The following ZSWIM5 variants were observed in gnomAD, a reference collection of about 807,000 sequenced individuals.
ZSWIM5 encodes zinc finger SWIM domain-containing protein 5.
In ZSWIM5, 55 loss-of-function variants were observed where a neutral mutation model predicts 119.6. That is an observed-to-expected ratio of 0.46 (90% CI 0.37 to 0.58). The LOEUF (loss-of-function observed/expected upper bound fraction) is 0.58. Ranked by LOEUF, ZSWIM5 falls within the 20% of genes least tolerant of loss-of-function variation. The pLI is 0.00. For synonymous variants in ZSWIM5, 537 were observed against 606.9 expected (o/e 0.88, Z 1.69); for missense variants, 1,193 against 1,512.8 (o/e 0.79, Z 3.51).
chr1:45,039,382 TTTTATTTAAAAA>T, intron 7 of ZSWIM5, among the ~76,000 whole-genome samples: 1 of 152,332 alleles, frequency 6.6e-6, no homozygotes, highest in Admixed American at 6.5e-5. Flanking sequence ...GCCCTGTTAA[TTTTATTTAAAAA>T]TTTATTTTTG....
At chr1:45,026,186 C>A (rs72684416) in intron 11 of ZSWIM5, among the ~76,000 whole-genome samples, 6,366 of 152,150 alleles carry the variant, frequency 0.042, 186 homozygotes, top group Admixed American at 0.06. Flanking sequence ...AGGAGTGTGC[C>A]CACCACAACT....
intron 1 of ZSWIM5, among the ~76,000 whole-genome samples, chr1:45,105,295 G>C (rs1472688774): frequency 6.6e-6 from 1 of 152,074 alleles, no homozygotes; most frequent in Non-Finnish European, 1.5e-5. Context: ...ATCTCGGCTC[G>C]CTACAACCTC....
chr1:45,030,374 G>A (rs1031329691), intron 11 of ZSWIM5, among the ~76,000 whole-genome samples: 1 of 152,164 alleles, frequency 6.6e-6, no homozygotes, highest in Admixed American at 6.5e-5. Flanking sequence ...AGCCTCCTGA[G>A]TAGCTGGGAT....
intron 1 of ZSWIM5, among the ~76,000 whole-genome samples, chr1:45,194,892 G>A (rs141695376): frequency 2.2e-3 from 329 of 151,596 alleles, no homozygotes; most frequent in African/African-American, 7.6e-3. Context: ...AAAAAAAAGA[G>A]GTTAATCTAA....
At position 45,040,424 on chromosome 1, in the gene ZSWIM5, C is replaced by T. The variant is rs766251549; in HGVS notation, c.1724G>A (p.Arg575Gln). ...CTGATGCTTGTAGATTTCCAGTTGC[C>T]GCTGCTGCTGCAACCTCAGAGTATT... ...IINTLRLQQQ[R>Q]QLEIYKHQKK... Residue 575 changes from arginine (R) to glutamine (Q), a missense_variant, in exon 7 of 14, where the codon CGG (arginine) becomes CAG (glutamine). Around this residue, in one of 2 missense-constraint regions of ZSWIM5, gnomAD observed 961 missense variants for 1,290.0 expected, o/e 0.74. Transcript: ENST00000359600. 6 of 1,610,796 alleles carry T rather than the reference C, an allele frequency of 3.7e-6. No homozygotes were observed. The highest frequency in any genetic ancestry group is 4.5e-5 in the East Asian group (2 of 44,760).
intron 1 of ZSWIM5, among the ~76,000 whole-genome samples, chr1:45,157,108 T>C (rs989872399): frequency 1.3e-5 from 2 of 152,202 alleles, no homozygotes. Context: ...TTGCCTATTT[T>C]AGAACTTCAT....
chr1:45,097,373 CTA>C (rs765925744), intron 1 of ZSWIM5, among the ~76,000 whole-genome samples: 20 of 152,172 alleles, frequency 1.3e-4, no homozygotes, highest in Non-Finnish European at 2.6e-4. Flanking sequence ...AATATCACCT[CTA>C]TATAAAACTA....
At chr1:45,028,212 C>T (rs1277038940) in intron 11 of ZSWIM5, among the ~76,000 whole-genome samples, 1 of 152,116 alleles carries the variant, frequency 6.6e-6, no homozygotes, top group Non-Finnish European at 1.5e-5. Context: ...TTGATGAAGT[C>T]TAATTTACCT....
intron 1 of ZSWIM5, among the ~76,000 whole-genome samples, chr1:45,180,748 C>T (rs1021517258): frequency 5.9e-5 from 9 of 152,182 alleles, no homozygotes; most frequent in East Asian, 1.9e-4. Context: ...TCCAGAGGAA[C>T]GATCAGACAG....
chr1:45,054,858 C>T (rs1280794942), intron 4 of ZSWIM5, among the ~76,000 whole-genome samples: 1 of 152,078 alleles, frequency 6.6e-6, no homozygotes, highest in Non-Finnish European at 1.5e-5. Flanking sequence ...TGGAGTCTCG[C>T]TCTGTCACCG....
chr1:45,168,124 G>C (rs6701182), intron 1 of ZSWIM5, among the ~76,000 whole-genome samples: 8,854 of 152,076 alleles, frequency 0.058, 553 homozygotes, highest in East Asian at 0.23. Context: ...CACATATACA[G>C]CATGGAATAC....
Position 45,036,200 on chromosome 1 carries a change from G to A in ZSWIM5, c.1994C>T (p.Ala665Val), listed in dbSNP as rs1176993868. Residue 665 changes from alanine to valine, a missense_variant, in exon 9 of 14, where the codon GCA becomes GTA. Ala to Val is a moderately conservative substitution (Grantham distance 64). Transcript: ENST00000359600. Reference protein sequence around the residue: ...ESYLSLALEVALMGLGQQRLM... With the variant: ...ESYLSLALEVVLMGLGQQRLM... ...CCTCTGTTGACCCAGGCCCATCAGTGCAACTTCCAGGGCCAATGACAGGTA... is the reference window on the plus strand; with the variant it reads ...CCTCTGTTGACCCAGGCCCATCAGTACAACTTCCAGGGCCAATGACAGGTA... 1.2e-6 allele frequency: 2 copies of A among 1,614,142 alleles called. No homozygotes were observed. Among genetic ancestry groups the A allele is most frequent in the Admixed American group, 1.7e-5 (1 of 60,012 alleles).
At chr1:45,028,052 T>C (rs183120727) in intron 11 of ZSWIM5, among the ~76,000 whole-genome samples, 36 of 152,254 alleles carry the variant, frequency 2.4e-4, no homozygotes, top group Non-Finnish European at 4.6e-4. Context: ...GGTTTTGCCA[T>C]GTTGGCCAGG....
chr1:45,108,399 T>G (rs1485078388), intron 1 of ZSWIM5, among the ~76,000 whole-genome samples: 1 of 152,196 alleles, frequency 6.6e-6, no homozygotes, highest in East Asian at 1.9e-4. Context: ...GAAGAGGACA[T>G]AGGTAGCTAT....
At chr1:45,065,382 C>A (rs1290015706) in intron 2 of ZSWIM5, among the ~76,000 whole-genome samples, 1 of 152,164 alleles carries the variant, frequency 6.6e-6, no homozygotes, top group Non-Finnish European at 1.5e-5. Context: ...CGGCCTTAAA[C>A]AACTGGCTGG....
chr1:45,133,148 C>T (rs931191717), intron 1 of ZSWIM5, among the ~76,000 whole-genome samples: 1 of 151,760 alleles, frequency 6.6e-6, no homozygotes, highest in African/African-American at 2.4e-5. Flanking sequence ...ATGGCTGGGT[C>T]AAATGGTATT....
In ZSWIM5 at chr1:45,036,109, T is replaced by A; in HGVS notation, c.2085A>T (p.Gln695His). ...CATCGTCCAGCTGCAGCTCTTGGAGTTGGCTCAGGAGCTGCTCCTCATTAC... is the reference window on the plus strand; with the variant it reads ...CATCGTCCAGCTGCAGCTCTTGGAGATGGCTCAGGAGCTGCTCCTCATTAC... ...VCRNEEQLLS[Q>H]LQELQLDDEL... is the part of the protein sequence containing the mutation. Residue 695 changes from glutamine (Q) to histidine (H), a missense_variant, in exon 9 of 14, where the codon CAA (glutamine) becomes CAT (histidine). By Grantham distance (24) the Gln-to-His change is conservative (BLOSUM62 0). Around this residue, in one of 2 missense-constraint regions of ZSWIM5, gnomAD observed 961 missense variants for 1,290.0 expected, o/e 0.74. Transcript: ENST00000359600. 6.2e-7 allele frequency: 1 copy of A among 1,614,094 alleles called. No homozygotes were observed. Among genetic ancestry groups the A allele is most frequent in the Non-Finnish European group, 8.5e-7 (1 of 1,180,024 alleles).
intron 2 of ZSWIM5, among the ~76,000 whole-genome samples, chr1:45,067,408 C>T (rs1287851300): frequency 4.0e-5 from 6 of 150,002 alleles, no homozygotes; most frequent in Non-Finnish European, 8.8e-5. Context: ...CCACTGCATT[C>T]CAGCCTAGGT....
At chr1:45,129,249 C>T (rs1645640471) in intron 1 of ZSWIM5, among the ~76,000 whole-genome samples, 1 of 150,050 alleles carries the variant, frequency 6.7e-6, no homozygotes, top group African/African-American at 2.5e-5. Flanking sequence ...AGCTCTGCCT[C>T]CTGAGTTCAT....
Sources: allele counts gnomAD v4.1 joint callset (sites outside exome capture counted in the v4.1 genomes callset), GRCh38; gene constraint gnomAD v4.1.1; regional missense constraint gnomAD v4.1.1; transcripts MANE v1.5; gene names NCBI Gene and HGNC (gene_info 2026-07-23, HGNC 2026-07-21).